The following SORT1 variants were observed in gnomAD, a reference collection of about 807,000 sequenced individuals.
The protein encoded by SORT1 is sortilin.
A neutral mutation model predicts 101.7 loss-of-function variants in SORT1; 39 were observed. That is an observed-to-expected ratio of 0.38 (90% confidence interval 0.30 to 0.50). SORT1 has a LOEUF of 0.50. SORT1 is among the 20% of genes least tolerant of loss of function. The pLI is 0.90. For missense variants in SORT1, 878 were observed against 1,040.4 expected, an observed-to-expected ratio of 0.84 and a Z score of 2.15; for synonymous variants, 396 against 393.7, an observed-to-expected ratio of 1.01 and a Z score of -0.07.
intron 1 of SORT1, among the ~76,000 whole-genome samples, chr1:109,373,556 C>G (rs1651628721): frequency 6.6e-6 from 1 of 152,086 alleles, no homozygotes; most frequent in Non-Finnish European, 1.5e-5. Flanking sequence ...TAGGAAACCT[C>G]GTTATTTCAA....
At chr1:109,366,162 C>T (rs959982340) in intron 3 of SORT1, among the ~76,000 whole-genome samples, 27 of 152,180 alleles carry the variant, frequency 1.8e-4, no homozygotes, top group Admixed American at 1.4e-3. Context: ...TGCTAAGGAA[C>T]GGAACCTACT....
At chr1:109,338,363 CA>C (rs1383779013) in intron 10 of SORT1, among the ~76,000 whole-genome samples, 3 of 152,100 alleles carry the variant, frequency 2.0e-5, no homozygotes, top group Non-Finnish European at 4.4e-5. Context: ...AACCGGGAGC[CA>C]TATCTCCAGG....
In SORT1 at chr1:109,343,273, C is replaced by G. The variant is rs1251161471; in HGVS notation, c.964-1115G>C. Among the ~76,000 whole-genome samples, 4 of 152,336 alleles carry G rather than the reference C, an allele frequency of 2.6e-5. No homozygotes were observed. The South Asian group carries it at 6.2e-4, about 24-fold the overall frequency. On this transcript the variant is annotated intron_variant, in intron 8 of 19. Transcript: ENST00000256637. ...CCTACTTCTTCATCTCTAGTTCTCA[C>G]TGAAGTCACTCCAATCGGCCTTTTA...
rs139099694 is a variant in SORT1 at position 109,340,625 on chromosome 1, C to A, written c.1264+99G>T. 13 of 1,233,788 alleles carry A rather than the reference C, an allele frequency of 1.1e-5. No homozygotes were observed. The East Asian group carries it at 2.4e-4, about 23-fold the overall frequency. The allele number at this position is 1,233,788 out of a possible 1,614,324, so 76.4% of individuals were successfully genotyped here. On this transcript the variant is annotated intron_variant, in intron 10 of 19. Coordinates refer to ENST00000256637, the MANE Select transcript of SORT1 (RefSeq NM_002959.7). ...AAATGTACATGGGTAGGCTTGTTGG[C>A]TTGGCAAGCAACATTACTAGGGGAC... is the stretch of plus-strand genomic sequence containing the variant.
intron 8 of SORT1, among the ~76,000 whole-genome samples, chr1:109,345,081 T>C (rs1294124684): frequency 6.6e-6 from 1 of 152,240 alleles, no homozygotes; most frequent in East Asian, 1.9e-4. Flanking sequence ...TTCACTGCCA[T>C]ATTCCTGGGA....
chr1:109,314,759 A>G lies in SORT1; in HGVS notation c.2270T>C (p.Val757Ala), dbSNP rs867940197. The G allele has an allele frequency of 6.2e-7, 1 of 1,605,904 alleles. No individual in the cohort carries two copies. ...TCCCACGATGGCCAGGATAATTGGA[A>G]CAGAATTTGACTTGGAATTCTTGAG... ...PEKQNSKSNS[V>A]PIILAIVGLM... The change falls in exon 18 of 20, where the codon GTT becomes GCT. Residue 757 changes from valine (V) to alanine (A), a missense_variant. Physicochemically the swap from Val to Ala is moderately conservative, Grantham distance 64 (BLOSUM62 0). This residue lies in a region of SORT1 where 684 missense variants were observed against 894.5 expected (regional missense o/e 0.76). Coordinates refer to ENST00000256637, the MANE Select transcript of SORT1 (RefSeq NM_002959.7).
chr1:109,326,617 G>T (rs377651009), intron 13 of SORT1, among the ~76,000 whole-genome samples: 99 of 130,180 alleles, frequency 7.6e-4, no homozygotes, highest in Admixed American at 1.0e-3. Context: ...TTTTTTTTTT[G>T]ATTGAAATAA....
At chr1:109,325,462 A>G (rs958424789) in intron 13 of SORT1, among the ~76,000 whole-genome samples, 1 of 150,088 alleles carries the variant, frequency 6.7e-6, no homozygotes, top group African/African-American at 2.5e-5. Flanking sequence ...CTGGTCTTGA[A>G]CTCCTGACCT....
intron 11 of SORT1, 141 bp from the exon 12 acceptor site, chr1:109,327,742 TTAGGTGTA>T (rs1370026610): frequency 2.0e-6 from 1 of 500,836 alleles, no homozygotes; most frequent in African/African-American, 2.0e-5. Flanking sequence ...TATTTACTAT[TTAGGTGTA>T]TAGTTCAGTA....
At chr1:109,386,514 G>A (rs1225719200) in intron 1 of SORT1, among the ~76,000 whole-genome samples, 1 of 152,198 alleles carries the variant, frequency 6.6e-6, no homozygotes, top group Admixed American at 6.5e-5. Flanking sequence ...AACTGGAACA[G>A]AGGGTTAATA....
chr1:109,353,576 A>G (rs1012244951), intron 5 of SORT1, among the ~76,000 whole-genome samples: 7 of 152,148 alleles, frequency 4.6e-5, no homozygotes, highest in African/African-American at 1.4e-4. Context: ...GCTCAGGCTC[A>G]GCTGGGGAGC....
intron 1 of SORT1, among the ~76,000 whole-genome samples, chr1:109,371,711 C>T (rs534406621): frequency 6.6e-6 from 1 of 152,282 alleles, no homozygotes; most frequent in South Asian, 2.1e-4. Context: ...CTCAGCTTCA[C>T]TGAAACAACT....
chr1:109,334,184 C>T (rs1162617371), intron 11 of SORT1, among the ~76,000 whole-genome samples: 1 of 152,034 alleles, frequency 6.6e-6, no homozygotes, highest in Non-Finnish European at 1.5e-5. Flanking sequence ...GACAGAACTA[C>T]CAGCAATCCC....
chr1:109,334,529 G>A (rs1219772809), intron 11 of SORT1, among the ~76,000 whole-genome samples: 1 of 152,124 alleles, frequency 6.6e-6, no homozygotes, highest in African/African-American at 2.4e-5. Context: ...TTGGGGCTTG[G>A]GGTATGGGGA....
intron 19 of SORT1, 72 bp downstream of exon 19, chr1:109,314,189 T>G (rs1367021092): frequency 2.1e-6 from 3 of 1,458,712 alleles, no homozygotes; most frequent in African/African-American, 1.4e-5. Flanking sequence ...TGATCATGAA[T>G]AGAAGACAGA....
chr1:109,314,230 G>C, intron 19 of SORT1, 31 bp downstream of exon 19: 1 of 1,335,464 alleles, frequency 7.5e-7, no homozygotes. Context: ...TGGGGGGGGG[G>C]GTACTACCAT....
chr1:109,363,437 A>G (rs1261181403), intron 3 of SORT1, among the ~76,000 whole-genome samples: 6 of 152,206 alleles, frequency 3.9e-5, no homozygotes, highest in African/African-American at 1.4e-4. Context: ...GAAAATATGC[A>G]TATGTGTGTG....
intron 12 of SORT1, 93 bp from the exon 13 acceptor site, chr1:109,327,253 G>T: frequency 8.8e-7 from 1 of 1,132,902 alleles, no homozygotes; most frequent in Non-Finnish European, 1.3e-6. Flanking sequence ...AATTTATTCT[G>T]ATTATTTCCC....
chr1:109,395,230 T>C (rs1191997878), intron 1 of SORT1, among the ~76,000 whole-genome samples: 1 of 138,080 alleles, frequency 7.2e-6, no homozygotes, highest in Non-Finnish European at 1.6e-5. Context: ...TTTTTTTTTT[T>C]TTTTTTTTGA....
Sources: allele counts gnomAD v4.1 joint callset (sites outside exome capture counted in the v4.1 genomes callset), GRCh38; gene constraint gnomAD v4.1.1; regional missense constraint gnomAD v4.1.1; transcripts MANE v1.5; gene names NCBI Gene and HGNC (gene_info 2026-07-23, HGNC 2026-07-21).